Variants in ATP6V0A1 observed in about 807,000 individuals in gnomAD.
The protein encoded by ATP6V0A1 is ATPase H+ transporting V0 subunit a1.
A neutral mutation model predicts 105.4 loss-of-function variants in ATP6V0A1; 43 were observed. The observed-to-expected ratio is 0.41, with a 90% CI of 0.32 to 0.53. ATP6V0A1 has a LOEUF of 0.53. ATP6V0A1 is among the 20% of genes least tolerant of loss of function. ATP6V0A1 has a pLI of 0.30. For missense variants in ATP6V0A1, 676 were observed against 1,051.1 expected, an observed-to-expected ratio of 0.64 and a Z score of 4.93; for synonymous variants, 362 against 372.8, an observed-to-expected ratio of 0.97 and a Z score of 0.33.
intron 4 of ATP6V0A1, among the ~76,000 whole-genome samples, chr17:42,469,353 CAG>C (rs1250415381): frequency 1.7e-5 from 2 of 115,398 alleles, no homozygotes; most frequent in East Asian, 5.6e-4. Flanking sequence ...TTTTTCCAGA[CAG>C]AGTCTTGCTC....
chr17:42,497,542 C>T (rs573595912), intron 14 of ATP6V0A1, among the ~76,000 whole-genome samples: 4 of 151,020 alleles, frequency 2.6e-5, no homozygotes, highest in Admixed American at 1.3e-4. Flanking sequence ...GGCGTGGTGG[C>T]GAGCACCTGT....
chr17:42,505,692 A>G (rs1242923060), intron 17 of ATP6V0A1, among the ~76,000 whole-genome samples: 1 of 152,110 alleles, frequency 6.6e-6, no homozygotes, highest in Non-Finnish European at 1.5e-5. Flanking sequence ...TCCACTGGAC[A>G]TGCCAAAGTC....
chr17:42,490,579 T>C lies in ATP6V0A1; in HGVS notation c.1116T>C (p.Tyr372=). The change falls in exon 11 of 22, where the codon TAT becomes TAC. Residue 372 remains tyrosine, a synonymous_variant. Coordinates refer to ENST00000343619, the MANE Select transcript of ATP6V0A1 (RefSeq NM_001130021.3). Reference sequence around the variant, plus strand: ...ATAACAAAACCAACAAGTTTACCTATGGCTTTCAGAACATAGTAGATGCTT... The same window carrying C: ...ATAACAAAACCAACAAGTTTACCTACGGCTTTCAGAACATAGTAGATGCTT... ...PTYNKTNKFT[Y]GFQNIVDAYG... The C allele has an allele frequency of 3.1e-6, 5 of 1,613,762 alleles. No individual in the cohort carries two copies. The highest frequency in any genetic ancestry group is 4.2e-6 in the Non-Finnish European group (5 of 1,179,862).
At position 42,483,183 on chromosome 17, in the gene ATP6V0A1, A is replaced by C. The variant is rs2089735547; in HGVS notation, c.810+52A>C. 3.0e-6 allele frequency: 4 copies of C among 1,321,286 alleles called. No individual in the cohort carries two copies. The Admixed American group carries it at 7.6e-5, about 25-fold the overall frequency. The allele number at this position is 1,321,286 out of a possible 1,614,324, so 81.8% of individuals were successfully genotyped here. A position where few individuals can be genotyped will look rare whatever the true frequency, so the allele number is the denominator to read the frequency against. On this transcript the variant is annotated intron_variant, in intron 9 of 21. Transcript: ENST00000343619. ...TTTTTGTGAAATACTGGAATACGAGACCATTATCCTTCCTTGAAATGCTGA... is the reference window on the plus strand; with the variant it reads ...TTTTTGTGAAATACTGGAATACGAGCCCATTATCCTTCCTTGAAATGCTGA...
chr17:42,495,570 CTTG>C (rs2091077881), intron 13 of ATP6V0A1, 53 bp from the exon 14 acceptor site: 7 of 1,401,318 alleles, frequency 5.0e-6, no homozygotes, highest in Admixed American at 3.4e-5. Context: ...TTTCTGGACC[CTTG>C]TTGTTTCCCT....
intron 5 of ATP6V0A1, 63 bp from the exon 6 acceptor site, chr17:42,477,597 A>G: frequency 6.4e-7 from 1 of 1,570,198 alleles, no homozygotes; most frequent in Non-Finnish European, 8.7e-7. Context: ...CCTGCATGCC[A>G]CTAACTATTT....
At chr17:42,487,508 A>G (rs543087597) in intron 10 of ATP6V0A1, 141 bp downstream of exon 10, 292 of 752,456 alleles carry the variant, frequency 3.9e-4, no homozygotes, top group Non-Finnish European at 5.7e-4. Context: ...CGGGCAGATC[A>G]TGAGGTCAAG....
intron 4 of ATP6V0A1, among the ~76,000 whole-genome samples, chr17:42,469,595 C>G (rs2087604440): frequency 6.6e-6 from 1 of 151,996 alleles, no homozygotes; most frequent in African/African-American, 2.4e-5. Context: ...CTCAGACTCC[C>G]TAAGTGCTGG....
intron 17 of ATP6V0A1, among the ~76,000 whole-genome samples, chr17:42,506,219 A>T (rs1400932032): frequency 6.6e-6 from 1 of 152,212 alleles, no homozygotes; most frequent in Non-Finnish European, 1.5e-5. Flanking sequence ...TGTACTTGGG[A>T]ATATATTTTT....
chr17:42,469,427 T>C (rs796227246), intron 4 of ATP6V0A1, among the ~76,000 whole-genome samples: 10 of 148,036 alleles, frequency 6.8e-5, no homozygotes, highest in African/African-American at 2.0e-4. Context: ...GCCTCCCGGG[T>C]TCAAGCCATT....
At chr17:42,512,614 C>G (rs1043537841) in intron 19 of ATP6V0A1, among the ~76,000 whole-genome samples, 7 of 152,172 alleles carry the variant, frequency 4.6e-5, no homozygotes, top group Non-Finnish European at 1.0e-4. Context: ...GAGGGAGAAG[C>G]AGACGTTCGC....
In ATP6V0A1 at chr17:42,495,207, T is replaced by C; in HGVS notation, c.1469+19T>C. On this transcript the variant is annotated intron_variant, in intron 13 of 21. Coordinates refer to ENST00000343619, the MANE Select transcript of ATP6V0A1 (RefSeq NM_001130021.3). ...ATTGGACGTAAGTTGCAGAAGAAGC[T>C]AAAATTCAAAGCTTATTCCTTTCAT... The C allele has an allele frequency of 3.1e-6, 5 of 1,612,262 alleles. No homozygotes were observed. The highest frequency in any genetic ancestry group is 4.2e-6 in the Non-Finnish European group (5 of 1,178,562).
At chr17:42,515,067 T>G (rs931459390) in intron 21 of ATP6V0A1, among the ~76,000 whole-genome samples, 2 of 152,068 alleles carry the variant, frequency 1.3e-5, no homozygotes, top group African/African-American at 4.8e-5. Flanking sequence ...TGACTCTTAA[T>G]GGCTGTGTGT....
chr17:42,491,740 C>T (rs2090651631), intron 11 of ATP6V0A1, among the ~76,000 whole-genome samples: 1 of 152,214 alleles, frequency 6.6e-6, no homozygotes. Context: ...GCCTCTGCCT[C>T]CCCAAGTGCT....
At chr17:42,516,294 G>C (rs2092621686) in intron 21 of ATP6V0A1, among the ~76,000 whole-genome samples, 2 of 152,258 alleles carry the variant, frequency 1.3e-5, no homozygotes, top group Admixed American at 1.3e-4. Context: ...GGGTTTTTCT[G>C]AATGATGGGC....
At chr17:42,477,845 C>T in intron 6 of ATP6V0A1, 103 bp downstream of exon 6, 1 of 923,110 alleles carries the variant, frequency 1.1e-6, no homozygotes, top group South Asian at 1.7e-5. Context: ...AGGATATGCC[C>T]TCTTCTGAGC....
In ATP6V0A1 at chr17:42,521,116, AGT is replaced by A. The variant is rs773278685; in HGVS notation, c.2512_2513del (p.Ter838SerfsTer29). 6.2e-7 allele frequency: 1 copy of A among 1,608,072 alleles called. No individual in the cohort carries two copies. The highest frequency in any genetic ancestry group is 8.5e-7 in the Non-Finnish European group (1 of 1,176,976). On this transcript the variant is annotated frameshift_variant and stop_lost, in exon 22 of 22. Coordinates refer to ENST00000343619, the MANE Select transcript of ATP6V0A1 (RefSeq NM_001130021.3). LOFTEE classifies it high-confidence loss of function. The surrounding 1 kb of genome is among the most constrained non-coding windows in gnomAD (Gnocchi z 4.8). ...CATATTCGGGAAGGGAAGTTTGAAG[AGT>A]GAGTCCCTGTGAGGGCCGTGTGCCC...
chr17:42,482,902 A>G (rs1409687184), intron 8 of ATP6V0A1, 136 bp from the exon 9 acceptor site: 1 of 447,878 alleles, frequency 2.2e-6, no homozygotes, highest in African/African-American at 2.1e-5. Context: ...TCTCAAAAAA[A>G]AAAAAAAAAA....
chr17:42,519,209 A>T (rs1224018275), intron 21 of ATP6V0A1: 6 of 152,270 alleles, frequency 3.9e-5, no homozygotes, highest in Non-Finnish European at 7.3e-5. Context: ...CCATGGGTAG[A>T]TAAGGTGACT....
Sources: allele counts gnomAD v4.1 joint callset (sites outside exome capture counted in the v4.1 genomes callset), GRCh38; gene constraint gnomAD v4.1.1; non-coding constraint Gnocchi (gnomAD v3.1); transcripts MANE v1.5; gene names NCBI Gene and HGNC (gene_info 2026-07-23, HGNC 2026-07-21).